SLC27A6: variants seen among roughly 807,000 people sequenced by gnomAD.
The protein encoded by SLC27A6 is solute carrier family 27 member 6.
Under a neutral mutation model 63.9 loss-of-function variants are expected in SLC27A6, and 74 were observed. That is an observed-to-expected ratio of 1.16 (90% CI 0.96 to 1.40). The LOEUF (loss-of-function observed/expected upper bound fraction) is 1.40. SLC27A6 is among the 40% of genes most tolerant of loss of function. SLC27A6 has a pLI of 0.00. For synonymous variants in SLC27A6, 287 were observed against 260.8 expected (o/e 1.10, Z -0.97); for missense variants, 794 against 732.9 (o/e 1.08, Z -0.96).
chr5:129,027,046 C>T (rs950194682), intron 6 of SLC27A6, 87 bp from the exon 7 acceptor site: 4 of 1,103,868 alleles, frequency 3.6e-6, no homozygotes, highest in South Asian at 1.4e-5. Context: ...ATTGGTTGTG[C>T]TGGCCAGATA....
At chr5:129,016,485 AC>A (rs1429497451) in intron 5 of SLC27A6, among the ~76,000 whole-genome samples, 1 of 144,600 alleles carries the variant, frequency 6.9e-6, no homozygotes, top group Non-Finnish European at 1.5e-5. Context: ...AAATATTATC[AC>A]CTTTTTTTTT....
chr5:128,992,061 T>A (rs1751001077), intron 4 of SLC27A6, among the ~76,000 whole-genome samples: 1 of 151,862 alleles, frequency 6.6e-6, no homozygotes, highest in Admixed American at 6.6e-5. Context: ...ATCTGATTAT[T>A]TTAAACATCA....
chr5:129,017,939 A>C (rs1228757989), intron 5 of SLC27A6, among the ~76,000 whole-genome samples: 1 of 152,158 alleles, frequency 6.6e-6, no homozygotes, highest in Non-Finnish European at 1.5e-5. Flanking sequence ...GATAATGCAG[A>C]AGGAGAAAAA....
rs776252893 is a variant in SLC27A6 at position 129,015,926 on chromosome 5, A to C, written c.1011A>C (p.Gly337=). 5.0e-6 allele frequency: 8 copies of C among 1,599,598 alleles called. No individual in the cohort carries two copies. Among genetic ancestry groups the C allele is most frequent in the Non-Finnish European group, 6.0e-6 (7 of 1,174,854 alleles). The change falls in exon 5 of 10, where the codon GGA becomes GGC. Residue 337 remains glycine, a synonymous_variant. Coordinates refer to ENST00000262462, the MANE Select transcript of SLC27A6 (RefSeq NM_001017372.3). ...ATCATAAGGTGCGTTTGGCAATTGGAAATGGCATACGGAGTGATGTATGGA... is the reference window on the plus strand; with the variant it reads ...ATCATAAGGTGCGTTTGGCAATTGGCAATGGCATACGGAGTGATGTATGGA... ...EKDHKVRLAI[G]NGIRSDVWRE... is the part of the protein sequence containing the mutation.
At chr5:129,023,793 T>G in intron 6 of SLC27A6, 83 bp downstream of exon 6, 3 of 1,003,274 alleles carry the variant, frequency 3.0e-6, no homozygotes, top group Admixed American at 4.5e-5. Context: ...CCTTGGGGGA[T>G]TGGTTCCAGG....
intron 6 of SLC27A6, among the ~76,000 whole-genome samples, chr5:129,026,227 G>A (rs923155749): frequency 2.6e-5 from 4 of 152,130 alleles, no homozygotes; most frequent in Non-Finnish European, 5.9e-5. Flanking sequence ...TCACTTTACA[G>A]CAGGCATAGC....
At chr5:128,996,930 G>A (rs1035321099) in intron 4 of SLC27A6, among the ~76,000 whole-genome samples, 3 of 152,002 alleles carry the variant, frequency 2.0e-5, no homozygotes, top group African/African-American at 7.2e-5. Flanking sequence ...TAAAATCTTG[G>A]CTTTACTTTG....
Position 128,966,053 on chromosome 5 carries a change from G to A in SLC27A6, c.-85G>A. ...TGTAAGCCCTGAGTAGTGAGGATCT[G>A]CGGTCTCCGTGGAGAGCTGTGCCTG... On this transcript the variant is annotated 5_prime_UTR_variant, in exon 1 of 10. Transcript: ENST00000262462. 1 of 1,478,988 alleles carries A rather than the reference G, an allele frequency of 6.8e-7. No homozygotes were observed. The highest frequency in any genetic ancestry group is 2.3e-5 in the East Asian group (1 of 43,546). 91.6% of individuals were successfully genotyped at this position (1,478,988 alleles called of 1,614,324 possible).
chr5:128,988,197 A>T (rs1047501175), intron 2 of SLC27A6, among the ~76,000 whole-genome samples: 2 of 152,198 alleles, frequency 1.3e-5, no homozygotes, highest in African/African-American at 4.8e-5. Context: ...CAGCCATTCA[A>T]GTGTATAGGT....
rs1315782851 is a variant in SLC27A6, at chr5:128,985,160, T to A, written c.509T>A (p.Leu170His). The change falls in exon 2 of 10, where the codon CTT becomes CAT. Residue 170 changes from leucine to histidine, a missense_variant. Leu to His is a moderately conservative substitution (Grantham distance 99). Coordinates refer to ENST00000262462, the MANE Select transcript of SLC27A6 (RefSeq NM_001017372.3). ...TTGCTTGGAACGGTAGAAGAAATCC[T>A]TCCAAGCCTCTCAGAAAATATCAGT... is the stretch of plus-strand genomic sequence containing the variant. ...ADLLGTVEEI[L>H]PSLSENISVW... 3 of 1,613,772 alleles carry A rather than the reference T, an allele frequency of 1.9e-6. No individual in the cohort carries two copies. The highest frequency in any genetic ancestry group is 2.5e-6 in the Non-Finnish European group (3 of 1,179,960).
chr5:128,983,000 G>T (rs2150133047), intron 1 of SLC27A6, among the ~76,000 whole-genome samples: 1 of 152,134 alleles, frequency 6.6e-6, no homozygotes, highest in South Asian at 2.1e-4. Flanking sequence ...CTGCTGCTTT[G>T]TGATCAATCT....
At chr5:129,025,412 A>G (rs1752205334) in intron 6 of SLC27A6, among the ~76,000 whole-genome samples, 24 of 152,106 alleles carry the variant, frequency 1.6e-4, no homozygotes, top group Admixed American at 1.6e-3. Flanking sequence ...AGAATATATC[A>G]CAGAGGTAAG....
Position 128,966,437 on chromosome 5 carries a change from C to G in SLC27A6, c.300C>G (p.Ser100=), listed in dbSNP as rs1343106951. 1.2e-6 allele frequency: 2 copies of G among 1,605,784 alleles called. No individual in the cohort carries two copies. The highest frequency in any genetic ancestry group is 1.3e-5 in the African/African-American group (1 of 74,600). ...SRVAHVFLNH[S]SLKKGDTVAL... is the part of the protein sequence containing the mutation. Reference sequence around the variant, plus strand: ...TGGCCCATGTCTTCCTGAACCATTCCTCTCTGAAAAAGGGGGACACGGTGG... The same window carrying G: ...TGGCCCATGTCTTCCTGAACCATTCGTCTCTGAAAAAGGGGGACACGGTGG... Residue 100 remains serine (S), a synonymous_variant, in exon 1 of 10, where the codon TCC becomes TCG. Transcript: ENST00000262462.
At chr5:129,018,651 A>AG (rs1398757617) in intron 5 of SLC27A6, among the ~76,000 whole-genome samples, 1 of 152,046 alleles carries the variant, frequency 6.6e-6, no homozygotes. Flanking sequence ...ATTGATATTG[A>AG]GCCCCTTTGT....
chr5:128,996,195 A>G (rs947900568), intron 4 of SLC27A6, among the ~76,000 whole-genome samples: 22 of 152,120 alleles, frequency 1.4e-4, no homozygotes, highest in African/African-American at 5.1e-4. Context: ...TCAAGCTACT[A>G]TTTGTAGTTT....
At chr5:128,989,001 C>T (rs1348598825) in intron 3 of SLC27A6, among the ~76,000 whole-genome samples, 1 of 152,114 alleles carries the variant, frequency 6.6e-6, no homozygotes, top group Non-Finnish European at 1.5e-5. Context: ...ATTGGCTGGG[C>T]TTCTCTCTCC....
rs756866935 is a variant in SLC27A6 at position 128,985,243 on chromosome 5, AG to A, written c.593del (p.Ser198ThrfsTer38). 40 of 1,613,920 alleles carry A rather than the reference AG, an allele frequency of 2.5e-5. No individual in the cohort carries two copies. Among genetic ancestry groups the A allele is most frequent in the Non-Finnish European group, 3.3e-5 (39 of 1,179,972 alleles). On this transcript the variant is annotated frameshift_variant, in exon 2 of 10. Transcript: ENST00000262462. LOFTEE classifies it high-confidence loss of function. ...TGTAATTTCACTCAAAGAAAAACTG[AG>A]CACCTCACCTGATGAGCCCGTGCCA... ...QGVISLKEKL[S>X]TSPDEPVPRS...
intron 1 of SLC27A6, among the ~76,000 whole-genome samples, chr5:128,967,704 T>C (rs1250296947): frequency 6.6e-6 from 1 of 152,204 alleles, no homozygotes; most frequent in Non-Finnish European, 1.5e-5. Context: ...TTCCTAGTTC[T>C]TTTCAGTTCA....
chr5:129,026,613 C>T lies in SLC27A6; in HGVS notation c.1256-520C>T, dbSNP rs927005533. Among the ~76,000 whole-genome samples the T allele has an allele frequency of 2.6e-5, 4 of 152,132 alleles. No homozygotes were observed. The South Asian group carries it at 6.2e-4, about 24-fold the overall frequency. ...TTATAGGTCCATTTATTTCTCTGAG[C>T]GTGGCAACTATTTTACCCCTCTCGG... is the stretch of plus-strand genomic sequence containing the variant. On this transcript the variant is annotated intron_variant, in intron 6 of 9. Coordinates refer to ENST00000262462, the MANE Select transcript of SLC27A6 (RefSeq NM_001017372.3).
Sources: allele counts gnomAD v4.1 joint callset (sites outside exome capture counted in the v4.1 genomes callset), GRCh38; gene constraint gnomAD v4.1.1; transcripts MANE v1.5; gene names NCBI Gene and HGNC (gene_info 2026-07-23, HGNC 2026-07-21).